Variants in SGCD observed in about 807,000 individuals in gnomAD.
SGCD encodes the protein delta-sarcoglycan.
SGCD carries 18 observed loss-of-function variants against 36.6 expected under a neutral mutation model. The observed-to-expected ratio is 0.49, with a 90% CI of 0.34 to 0.73. The LOEUF (loss-of-function observed/expected upper bound fraction) is 0.73. Among genes scored for constraint, SGCD ranks in the 30% least tolerant of loss-of-function variants. SGCD has a pLI of 0.01. For synonymous variants in SGCD, 133 were observed against 130.6 expected (o/e 1.02, Z -0.12); for missense variants, 387 against 346.7 (o/e 1.12, Z -0.92).
At chr5:156,736,190 C>G (rs1338066834) in intron 7 of SGCD, among the ~76,000 whole-genome samples, 5 of 152,146 alleles carry the variant, frequency 3.3e-5, no homozygotes, top group Non-Finnish European at 7.3e-5. Context: ...TTACTTGCCC[C>G]TTCCTTCCTT....
At chr5:156,576,474 G>C (rs1759961985) in intron 4 of SGCD, among the ~76,000 whole-genome samples, 1 of 152,166 alleles carries the variant, frequency 6.6e-6, no homozygotes, top group African/African-American at 2.4e-5. Flanking sequence ...GGTATTTCTA[G>C]TTCTAGATCC....
At chr5:155,796,012 TAGTG>T in the SGCD span, among the ~76,000 whole-genome samples, 3 of 152,226 alleles carry the variant, frequency 2.0e-5, no homozygotes, top group East Asian at 5.8e-4. Flanking sequence ...AACATAATCG[TAGTG>T]AGTGACCTGA....
At chr5:155,755,312 A>C in the SGCD span, among the ~76,000 whole-genome samples, 1 of 152,198 alleles carries the variant, frequency 6.6e-6, no homozygotes, top group East Asian at 1.9e-4. Flanking sequence ...ATTCACATAA[A>C]CCACAAAAAT....
In SGCD at chr5:156,642,461, C is replaced by CTTTTT. The variant is rs58501471; in HGVS notation, c.503-4983_503-4979dup. 4.0e-4 allele frequency among the ~76,000 whole-genome samples: 32 copies of CTTTTT among 80,042 alleles called. 1 individual carries two copies. The highest frequency in any genetic ancestry group is 1.6e-3 in the African/African-American group (27 of 17,304). 52.5% of individuals were successfully genotyped at this position (80,042 alleles called of 152,430 possible). ...CTAAGAATGGCCTAGCAGCATCAGT[C>CTTTTT]TTTTTTTTTTTTTTTTTTTTTTTTC... On this transcript the variant is annotated intron_variant, in intron 6 of 8. Transcript: ENST00000337851.
chr5:156,104,981 A>G (rs1156288979), intron 1 of SGCD, among the ~76,000 whole-genome samples: 1 of 152,064 alleles, frequency 6.6e-6, no homozygotes, highest in East Asian at 1.9e-4. Context: ...GGAACATCAC[A>G]CACTGGGGCC....
At chr5:155,977,136 C>T (rs1758131722) in intron 1 of SGCD, among the ~76,000 whole-genome samples, 1 of 152,196 alleles carries the variant, frequency 6.6e-6, no homozygotes, top group Non-Finnish European at 1.5e-5. Flanking sequence ...GCACAGGCTG[C>T]CTCTATGCAG....
chr5:156,216,741 A>G (rs539738179), intron 3 of SGCD, among the ~76,000 whole-genome samples: 2 of 152,372 alleles, frequency 1.3e-5, no homozygotes, highest in East Asian at 1.9e-4. Context: ...TAGGAAGAAA[A>G]TACCTAAATA....
At chr5:156,532,036 G>A (rs1163328269) in intron 4 of SGCD, among the ~76,000 whole-genome samples, 3 of 152,126 alleles carry the variant, frequency 2.0e-5, no homozygotes, top group Non-Finnish European at 4.4e-5. Context: ...CTTGAACCCA[G>A]GAGGCAGAGG....
At chr5:156,457,167 A>G (rs575489374) in intron 3 of SGCD, among the ~76,000 whole-genome samples, 1 of 152,300 alleles carries the variant, frequency 6.6e-6, no homozygotes, top group African/African-American at 2.4e-5. Flanking sequence ...TATTTCTTCA[A>G]AATAGTAAGG....
At chr5:156,737,894 C>G (rs918889305) in intron 7 of SGCD, among the ~76,000 whole-genome samples, 1 of 152,170 alleles carries the variant, frequency 6.6e-6, no homozygotes, top group South Asian at 2.1e-4. Context: ...GTGGCTAACT[C>G]AATGACAGGC....
intron 3 of SGCD, among the ~76,000 whole-genome samples, chr5:156,147,247 G>A (rs1762726608): frequency 6.6e-6 from 1 of 152,176 alleles, no homozygotes; most frequent in Non-Finnish European, 1.5e-5. Context: ...ATTCTCTCAT[G>A]AACTAGTAAA....
At chr5:155,892,433 AAC>A (rs1214852893) in intron 1 of SGCD, among the ~76,000 whole-genome samples, 3 of 134,358 alleles carry the variant, frequency 2.2e-5, no homozygotes, top group African/African-American at 5.6e-5. Context: ...CCAGTCTGGC[AAC>A]AGAGTGAGAC....
chr5:156,193,072 G>A (rs73300664), intron 3 of SGCD, among the ~76,000 whole-genome samples: 2,674 of 152,114 alleles, frequency 0.018, 76 homozygotes, highest in African/African-American at 0.059. Context: ...AAATTGTGAA[G>A]ATCATTTTTA....
At chr5:156,035,121 A>G (rs1190213765) in intron 1 of SGCD, among the ~76,000 whole-genome samples, 2 of 152,170 alleles carry the variant, frequency 1.3e-5, no homozygotes, top group Non-Finnish European at 2.9e-5. Context: ...CTTCAAAGGA[A>G]TTTAATCCTA....
At chr5:156,402,334 T>C (rs528196620) in intron 3 of SGCD, among the ~76,000 whole-genome samples, 1 of 152,322 alleles carries the variant, frequency 6.6e-6, no homozygotes, top group East Asian at 1.9e-4. Context: ...ATCTTCTTAG[T>C]TAAAATAATG....
chr5:155,805,499 G>T, the SGCD span, among the ~76,000 whole-genome samples: 7 of 152,184 alleles, frequency 4.6e-5, no homozygotes, highest in African/African-American at 1.4e-4. Context: ...TTCTGGGATG[G>T]AATATTTCCT....
rs144039757 is a variant in SGCD at position 156,188,719 on chromosome 5, G to C, written c.-44+64700G>C. On this transcript the variant is annotated intron_variant, in intron 3 of 9. Transcript: ENST00000517913. ...TCCCTCTCTACATGCACAAGATGAA[G>C]TTGAAGTTCCTTTATCTGCCCAAGA... Among the ~76,000 whole-genome samples the C allele has an allele frequency of 1.2e-3, 172 of 143,758 alleles. 1 individual carries two copies. The highest frequency in any genetic ancestry group is 4.4e-3 in the African/African-American group (166 of 37,556). The allele number at this position is 143,758 out of a possible 152,430, so 94.3% of individuals were successfully genotyped here.
At chr5:156,000,055 G>A (rs1758632856) in intron 1 of SGCD, among the ~76,000 whole-genome samples, 1 of 152,198 alleles carries the variant, frequency 6.6e-6, no homozygotes. Flanking sequence ...TTTGGAGCCT[G>A]AACATAGAAG....
chr5:156,414,398 T>A (rs1054305547), intron 3 of SGCD, among the ~76,000 whole-genome samples: 8 of 152,228 alleles, frequency 5.3e-5, no homozygotes, highest in Middle Eastern at 3.2e-3. Flanking sequence ...ATGCATATCT[T>A]TTAAAAAGAA....
Sources: allele counts gnomAD v4.1 joint callset (sites outside exome capture counted in the v4.1 genomes callset), GRCh38; gene constraint gnomAD v4.1.1; transcripts MANE v1.5; gene names NCBI Gene and HGNC (gene_info 2026-07-23, HGNC 2026-07-21).